The following PHF14 variants were observed in gnomAD, a reference collection of about 807,000 sequenced individuals.
The protein encoded by PHF14 is PHD finger protein 14.
A neutral mutation model predicts 117.9 loss-of-function variants in PHF14; 55 were observed. The ratio of observed to expected loss-of-function variants is 0.47; its 90% CI spans 0.38 to 0.58. The LOEUF (loss-of-function observed/expected upper bound fraction) is 0.58, where lower values mean the gene tolerates loss of function less well. Ranked by LOEUF, PHF14 falls within the 20% of genes least tolerant of loss-of-function variation. The pLI, the probability that PHF14 is intolerant of heterozygous loss-of-function variation, is 0.00. For missense variants in PHF14, 978 were observed against 1,122.2 expected (o/e 0.87, Z 1.84); for synonymous variants, 409 against 368.6 (o/e 1.11, Z -1.26).
At chr7:11,064,705 A>G (rs1562447508) in intron 16 of PHF14, among the ~76,000 whole-genome samples, 2 of 151,984 alleles carry the variant, frequency 1.3e-5, no homozygotes, top group African/African-American at 2.4e-5. Context: ...AATTTTTTAT[A>G]TCATTGAACA....
At chr7:11,008,720 C>T (rs994960247) in intron 4 of PHF14, among the ~76,000 whole-genome samples, 1 of 152,072 alleles carries the variant, frequency 6.6e-6, no homozygotes, top group African/African-American at 2.4e-5. Context: ...CTGTCTTTCT[C>T]GTAAACAATA....
intron 16 of PHF14, among the ~76,000 whole-genome samples, chr7:11,072,870 A>G (rs1278458376): frequency 1.3e-5 from 2 of 152,184 alleles, no homozygotes; most frequent in African/African-American, 2.4e-5. Flanking sequence ...AGTGAACAAC[A>G]GAGAAAAGAG....
chr7:10,995,886 C>T (rs909524059), intron 4 of PHF14, among the ~76,000 whole-genome samples: 33 of 152,236 alleles, frequency 2.2e-4, no homozygotes, highest in Admixed American at 9.8e-4. Context: ...TTGCACAGCC[C>T]CGGTTCCCAC....
At chr7:11,115,556 C>T (rs1787573494) in intron 17 of PHF14, among the ~76,000 whole-genome samples, 1 of 151,922 alleles carries the variant, frequency 6.6e-6, no homozygotes, top group South Asian at 2.1e-4. Context: ...TATCATACCT[C>T]TGCTTGAAAT....
intron 12 of PHF14, among the ~76,000 whole-genome samples, 160 bp from the exon 13 acceptor site, chr7:11,042,523 T>G (rs1290421418): frequency 1.3e-5 from 2 of 151,998 alleles, no homozygotes; most frequent in African/African-American, 2.4e-5. Flanking sequence ...GTTACTGACA[T>G]TGTAAAAAGA....
chr7:11,009,739 A>T (rs1023202667), intron 4 of PHF14, among the ~76,000 whole-genome samples: 7 of 152,248 alleles, frequency 4.6e-5, no homozygotes, highest in African/African-American at 1.7e-4. Flanking sequence ...CTATAAAGGT[A>T]ATGACACAGT....
chr7:11,145,791 T>C (rs1276337414), intron 17 of PHF14, among the ~76,000 whole-genome samples: 1 of 152,112 alleles, frequency 6.6e-6, no homozygotes, highest in African/African-American at 2.4e-5. Flanking sequence ...AAACAGTAAA[T>C]TAACATCATA....
intron 6 of PHF14, among the ~76,000 whole-genome samples, chr7:11,025,257 G>A (rs951464428): frequency 6.6e-6 from 1 of 152,144 alleles, no homozygotes; most frequent in Admixed American, 6.5e-5. Context: ...GAAGAAAGTG[G>A]TTTCTCGAGT....
chr7:11,028,703 C>T lies in PHF14; in HGVS notation c.1340C>T (p.Pro447Leu). Residue 447 changes from proline to leucine, a missense_variant, in exon 7 of 18, where the codon CCT (proline) becomes CTT (leucine). Physicochemically the swap from Pro to Leu is moderately conservative, Grantham distance 98. Coordinates refer to ENST00000634607, the MANE Select transcript of PHF14 (RefSeq NM_001007157.2). ...GAKECSFCED[P>L]RFARTGVCIS... ...TAGGAGTGTAGCTTTTGTGAAGACC[C>T]TCGCTTTGCTAGAACTGGGGTTTGC... The T allele has an allele frequency of 6.2e-7, 1 of 1,613,616 alleles. No homozygotes were observed. The highest frequency in any genetic ancestry group is 8.5e-7 in the Non-Finnish European group (1 of 1,179,700).
At chr7:10,985,332 TG>T (rs1263420750) in intron 3 of PHF14, among the ~76,000 whole-genome samples, 2 of 152,156 alleles carry the variant, frequency 1.3e-5, no homozygotes, top group African/African-American at 4.8e-5. Flanking sequence ...GCTTTTACTT[TG>T]TTTTCAGAAA....
In PHF14 at chr7:11,061,814, C is replaced by T. The variant is rs1363520574; in HGVS notation, c.2505C>T (p.Ser835=). The stretch of plus-strand genomic sequence containing the variant: ...AGAGAACCAGAGGACGAAAACGAAG[C>T]TTCGTTCCTGAGGAAGAAAAACATG... ...RNTRTRGRKR[S]FVPEEEKHEE... is the part of the protein sequence containing the mutation. Residue 835 remains serine, a synonymous_variant, in exon 15 of 18, where the codon AGC becomes AGT. Coordinates refer to ENST00000634607, the MANE Select transcript of PHF14 (RefSeq NM_001007157.2). The T allele has an allele frequency of 3.9e-6, 6 of 1,521,388 alleles. No homozygotes were observed. Among genetic ancestry groups the T allele is most frequent in the South Asian group, 3.9e-5 (3 of 76,782 alleles). 94.2% of individuals were successfully genotyped at this position (1,521,388 alleles called of 1,614,324 possible). A position where few individuals can be genotyped will look rare whatever the true frequency, so the allele number is the denominator to read the frequency against.
Position 11,051,599 on chromosome 7 carries a change from C to T in PHF14, c.2313-13C>T, listed in dbSNP as rs778992834. On this transcript the variant is annotated splice_polypyrimidine_tract_variant and intron_variant, in intron 13 of 17. Coordinates refer to ENST00000634607, the MANE Select transcript of PHF14 (RefSeq NM_001007157.2). ...TAATAAATGCATGACTTAAATTTTTCCCCTTTATGTAGGCAGTGCTCGGAA... is the reference window on the plus strand; with the variant it reads ...TAATAAATGCATGACTTAAATTTTTTCCCTTTATGTAGGCAGTGCTCGGAA... The T allele has an allele frequency of 1.9e-6, 3 of 1,593,154 alleles. No homozygotes were observed. The African/African-American group carries it at 4.0e-5, about 21-fold the overall frequency.
intron 17 of PHF14, among the ~76,000 whole-genome samples, chr7:11,152,383 C>T (rs1329777738): frequency 6.6e-6 from 1 of 152,112 alleles, no homozygotes; most frequent in Admixed American, 6.5e-5. Context: ...CTCATTGGAA[C>T]ATAGGAACAA....
At chr7:11,016,466 T>A (rs1783539894) in intron 5 of PHF14, among the ~76,000 whole-genome samples, 2 of 152,200 alleles carry the variant, frequency 1.3e-5, no homozygotes, top group Non-Finnish European at 2.9e-5. Flanking sequence ...TAGAAAATGA[T>A]GTGATTTAAT....
rs118075160 is a variant in PHF14, at chr7:10,995,632, A to G, written c.1045+4785A>G. ...CTCATAAGGGAGGCTCAGGCCACGC[A>G]GGAGCCCATGGCGGGGTGGGTAAGG... On this transcript the variant is annotated intron_variant, in intron 4 of 17. Coordinates refer to ENST00000634607, the MANE Select transcript of PHF14 (RefSeq NM_001007157.2). Among the ~76,000 whole-genome samples the G allele has an allele frequency of 9.2e-3, 1,397 of 152,312 alleles. 12 individuals carry two copies. The highest frequency in any genetic ancestry group is 0.017 in the Middle Eastern group (5 of 294).
intron 6 of PHF14, among the ~76,000 whole-genome samples, chr7:11,026,174 ACCCCCATCCGTCAGTG>A (rs1783905904): frequency 1.3e-5 from 2 of 150,656 alleles, no homozygotes. Context: ...AACCACCACC[ACCCCCATCCGTCAGTG>A]GCCATCCACA....
At chr7:10,995,657 G>A (rs574198617) in intron 4 of PHF14, among the ~76,000 whole-genome samples, 11 of 152,216 alleles carry the variant, frequency 7.2e-5, no homozygotes, top group Non-Finnish European at 1.3e-4. Flanking sequence ...GGTGGGTAAG[G>A]CTCAGGCATG....
At chr7:11,138,100 G>A (rs987720245) in intron 17 of PHF14, among the ~76,000 whole-genome samples, 27 of 151,766 alleles carry the variant, frequency 1.8e-4, no homozygotes, top group African/African-American at 3.1e-4. Flanking sequence ...GAGTGCAGTG[G>A]CACGATCTTG....
At chr7:11,121,165 A>C (rs981764801) in intron 17 of PHF14, among the ~76,000 whole-genome samples, 4 of 152,194 alleles carry the variant, frequency 2.6e-5, no homozygotes, top group Admixed American at 6.5e-5. Context: ...AATATCAGCA[A>C]CACACCCTTT....
Sources: allele counts gnomAD v4.1 joint callset (sites outside exome capture counted in the v4.1 genomes callset), GRCh38; gene constraint gnomAD v4.1.1; transcripts MANE v1.5; gene names NCBI Gene and HGNC (gene_info 2026-07-23, HGNC 2026-07-21).